The following SOST variants were observed in gnomAD, a reference collection of about 807,000 sequenced individuals.
The protein encoded by SOST is sclerostin.
SOST carries 14 observed loss-of-function variants against 16.7 expected under a neutral mutation model. The ratio of observed to expected loss-of-function variants is 0.84; its 90% CI spans 0.55 to 1.31. The LOEUF (loss-of-function observed/expected upper bound fraction) is 1.31, where lower values mean the gene tolerates loss of function less well. SOST is among the 50% of genes most tolerant of loss of function. SOST has a pLI of 0.00. For synonymous variants in SOST, 150 were observed against 140.9 expected, an observed-to-expected ratio of 1.06 and a Z score of -0.46; for missense variants, 291 against 310.7, an observed-to-expected ratio of 0.94 and a Z score of 0.48.
chr17:43,758,433 G>A, intron 1 of SOST, 89 bp downstream of exon 1: 1 of 1,053,112 alleles, frequency 9.5e-7, no homozygotes. Flanking sequence ...TCTTCACTGG[G>A]TCTACCCCAG....
At chr17:43,757,804 C>T (rs368859310) in intron 1 of SOST, among the ~76,000 whole-genome samples, 21 of 152,208 alleles carry the variant, frequency 1.4e-4, no homozygotes, top group Non-Finnish European at 2.1e-4. Flanking sequence ...AAAACTGTGC[C>T]GAAAACTCCC....
At chr17:43,757,423 C>G (rs1974143198) in intron 1 of SOST, among the ~76,000 whole-genome samples, 1 of 152,128 alleles carries the variant, frequency 6.6e-6, no homozygotes, top group East Asian at 1.9e-4. Flanking sequence ...ATGCAGTTGC[C>G]CTTTTTAGCA....
In SOST at chr17:43,753,898, T is replaced by C. The variant is rs1974097548; in HGVS notation, c.*1444A>G. 1 of 152,566 alleles carries C rather than the reference T, an allele frequency of 6.6e-6. No homozygotes were observed. Among genetic ancestry groups the C allele is most frequent in the African/African-American group, 2.4e-5 (1 of 41,386 alleles). The allele number at this position is 152,566 out of a possible 1,614,324, so 9.5% of individuals were successfully genotyped here. A position where few individuals can be genotyped will look rare whatever the true frequency, so the allele number is the denominator to read the frequency against. On this transcript the variant is annotated 3_prime_UTR_variant, in exon 2 of 2. Transcript: ENST00000301691. Reference sequence around the variant, plus strand: ...TGTAACTTAACTCTTTAAAAACCACTACTTTCATTCTTGTGGACAAGTCCC... The same window carrying C: ...TGTAACTTAACTCTTTAAAAACCACCACTTTCATTCTTGTGGACAAGTCCC...
rs1448517799 is a variant in SOST at position 43,755,422 on chromosome 17, G to A, written c.562C>T (p.Arg188Trp). 8 of 1,593,272 alleles carry A rather than the reference G, an allele frequency of 5.0e-6. No homozygotes were observed. Among genetic ancestry groups the A allele is most frequent in the Admixed American group, 3.3e-5 (2 of 59,750 alleles). Residue 188 changes from arginine (R) to tryptophan (W), a missense_variant, in exon 2 of 2, where the codon CGG (arginine) becomes TGG (tryptophan). By Grantham distance (101) the Arg-to-Trp change is moderately radical. Transcript: ENST00000301691. This position sits in a 1 kb window ranked among gnomAD's most constrained non-coding sequence, Gnocchi z 4.3. ...ELKDFGTEAA[R>W]PQKGRKPRPR... ...CGCGGCTTCCGGCCCTTCTGCGGCC[G>A]AGCGGCCTCGGTCCCGAAGTCCTTG... is the stretch of plus-strand genomic sequence containing the variant.
intron 1 of SOST, among the ~76,000 whole-genome samples, chr17:43,756,063 G>A (rs1425138839): frequency 6.6e-6 from 1 of 152,216 alleles, no homozygotes; most frequent in East Asian, 1.9e-4. Context: ...CTGCAAAATG[G>A]GCCGCCCCAA....
rs369554585 is a variant in SOST at position 43,755,477 on chromosome 17, G to A, written c.507C>T (p.Arg169=). 6.3e-7 allele frequency: 1 copy of A among 1,597,358 alleles called. No homozygotes were observed. The highest frequency in any genetic ancestry group is 1.1e-5 in the South Asian group (1 of 90,780). ...CCGACTGGTTGTGGAAGCGGGTGAG[G>A]CGCTTGCACTTGCACGAGGCCACCA... is the stretch of plus-strand genomic sequence containing the variant. ...VRLVASCKCK[R]LTRFHNQSEL... Residue 169 remains arginine (R), a synonymous_variant, in exon 2 of 2, where the codon CGC becomes CGT. Transcript: ENST00000301691. The surrounding 1 kb of genome is among the most constrained non-coding windows in gnomAD (Gnocchi z 4.3).
chr17:43,755,756 G>T lies in SOST; in HGVS notation c.228C>A (p.Ser76=). 6.3e-7 allele frequency: 1 copy of T among 1,580,100 alleles called. No homozygotes were observed. Among genetic ancestry groups the T allele is most frequent in the East Asian group, 2.3e-5 (1 of 43,646 alleles). ...AGTGCAGCTCGCGGCAGCTGTACTC[G>T]GACACGTCTGTGGAGAGAGGCGCGC... is the stretch of plus-strand genomic sequence containing the variant. ...PHHPFETKDV[S]EYSCRELHFT... Residue 76 remains serine (S), a synonymous_variant, in exon 2 of 2, where the codon TCC becomes TCA. Transcript: ENST00000301691. This position sits in a 1 kb window ranked among gnomAD's most constrained non-coding sequence, Gnocchi z 4.3.
chr17:43,754,616 G>A lies in SOST; in HGVS notation c.*726C>T, dbSNP rs879817419. 3 of 151,998 alleles carry A rather than the reference G, an allele frequency of 2.0e-5. No individual in the cohort carries two copies. Among genetic ancestry groups the A allele is most frequent in the African/African-American group, 7.3e-5 (3 of 41,372 alleles). The allele number at this position is 151,998 out of a possible 1,614,324, so 9.4% of individuals were successfully genotyped here. A position where few individuals can be genotyped will look rare whatever the true frequency, so the allele number is the denominator to read the frequency against. The stretch of plus-strand genomic sequence containing the variant: ...TTTTTCATCTTTGGCTGTCAGAAGA[G>A]AGCATCACAACTCTGAATTCTGGAA... On this transcript the variant is annotated 3_prime_UTR_variant, in exon 2 of 2. Coordinates refer to ENST00000301691, the MANE Select transcript of SOST (RefSeq NM_025237.3).
chr17:43,757,473 GGTCCA>G (rs1974143698), intron 1 of SOST, among the ~76,000 whole-genome samples: 1 of 152,116 alleles, frequency 6.6e-6, no homozygotes, highest in South Asian at 2.1e-4. Flanking sequence ...GGAGGGCTGG[GGTCCA>G]GGAGCCTGGG....
chr17:43,756,021 G>T (rs1567776935), intron 1 of SOST, among the ~76,000 whole-genome samples: 1 of 152,220 alleles, frequency 6.6e-6, no homozygotes, highest in East Asian at 1.9e-4. Context: ...TGTCATCTTG[G>T]GCAAGTTCCT....
intron 1 of SOST, among the ~76,000 whole-genome samples, chr17:43,757,922 C>T (rs553352399): frequency 2.0e-5 from 3 of 152,092 alleles, no homozygotes; most frequent in Non-Finnish European, 4.4e-5. Context: ...CCCCCACACC[C>T]CCCCACACAC....
intron 1 of SOST, among the ~76,000 whole-genome samples, chr17:43,756,880 G>A (rs1974136383): frequency 6.6e-6 from 1 of 152,200 alleles, no homozygotes; most frequent in Non-Finnish European, 1.5e-5. Flanking sequence ...TTTTTAAATA[G>A]CTGGTCGTCG....
rs926865339 is a variant in SOST at position 43,755,006 on chromosome 17, T to C, written c.*336A>G. ...CTGGACTTTCCCACTCCCACACCGCTCCCTTAAAACCCCAGGGCGGTGAAA... is the reference window on the plus strand; with the variant it reads ...CTGGACTTTCCCACTCCCACACCGCCCCCTTAAAACCCCAGGGCGGTGAAA... On this transcript the variant is annotated 3_prime_UTR_variant, in exon 2 of 2. Transcript: ENST00000301691. The surrounding 1 kb of genome is among the most constrained non-coding windows in gnomAD (Gnocchi z 4.3). 25 of 305,612 alleles carry C rather than the reference T, an allele frequency of 8.2e-5. No individual in the cohort carries two copies. Among genetic ancestry groups the C allele is most frequent in the Admixed American group, 1.5e-4 (3 of 19,388 alleles). 18.9% of individuals were successfully genotyped at this position (305,612 alleles called of 1,614,324 possible). A position where few individuals can be genotyped will look rare whatever the true frequency, so the allele number is the denominator to read the frequency against.
chr17:43,757,962 G>A (rs1434610842), intron 1 of SOST, among the ~76,000 whole-genome samples: 1 of 152,158 alleles, frequency 6.6e-6, no homozygotes, highest in Non-Finnish European at 1.5e-5. Context: ...GATCAAACCA[G>A]GTTCACACCT....
In SOST at chr17:43,755,479, G is replaced by C. The variant is rs1245595709; in HGVS notation, c.505C>G (p.Arg169Gly). ...VRLVASCKCK[R>G]LTRFHNQSEL... is the part of the protein sequence containing the mutation. Reference sequence around the variant, plus strand: ...GACTGGTTGTGGAAGCGGGTGAGGCGCTTGCACTTGCACGAGGCCACCAGG... The same window carrying C: ...GACTGGTTGTGGAAGCGGGTGAGGCCCTTGCACTTGCACGAGGCCACCAGG... The change falls in exon 2 of 2, where the codon CGC becomes GGC. Residue 169 changes from arginine (R) to glycine (G), a missense_variant. Physicochemically the swap from Arg to Gly is moderately radical, Grantham distance 125 (BLOSUM62 -2). Transcript: ENST00000301691. This position sits in a 1 kb window ranked among gnomAD's most constrained non-coding sequence, Gnocchi z 4.3. 2 of 1,597,312 alleles carry C rather than the reference G, an allele frequency of 1.3e-6. No homozygotes were observed. Among genetic ancestry groups the C allele is most frequent in the African/African-American group, 1.3e-5 (1 of 74,134 alleles).
At position 43,758,587 on chromosome 17, in the gene SOST, T is replaced by G; in HGVS notation, c.155A>C (p.Asn52Thr). 1 of 1,614,186 alleles carries G rather than the reference T, an allele frequency of 6.2e-7. No individual in the cohort carries two copies. Among genetic ancestry groups the G allele is most frequent in the South Asian group, 1.1e-5 (1 of 91,088 alleles). The change falls in exon 1 of 2, where the codon AAC becomes ACC. Residue 52 changes from asparagine (N) to threonine (T), a missense_variant. Coordinates refer to ENST00000301691, the MANE Select transcript of SOST (RefSeq NM_025237.3). ...EYPEPPPELE[N>T]NKTMNRAENG... ...CTCCGCCCGGTTCATGGTCTTGTTGTTCTCCAGCTCCGGTGGAGGCTCGGG... is the reference window on the plus strand; with the variant it reads ...CTCCGCCCGGTTCATGGTCTTGTTGGTCTCCAGCTCCGGTGGAGGCTCGGG...
At chr17:43,757,698 T>G (rs571751431) in intron 1 of SOST, among the ~76,000 whole-genome samples, 1 of 152,260 alleles carries the variant, frequency 6.6e-6, no homozygotes, top group South Asian at 2.1e-4. Context: ...AGGTTGGGAC[T>G]GGGGTGGCTG....
In SOST at chr17:43,755,835, C is replaced by T; in HGVS notation, c.221-72G>A. On this transcript the variant is annotated intron_variant, in intron 1 of 1. Transcript: ENST00000301691. This position sits in a 1 kb window ranked among gnomAD's most constrained non-coding sequence, Gnocchi z 4.3. ...CTGCCCTGGACCGGCCCGTCTCTCT[C>T]CACCCCAGCCCTGCTTTTGCCAAGC... The T allele has an allele frequency of 4.0e-6, 6 of 1,488,188 alleles. No individual in the cohort carries two copies. The highest frequency in any genetic ancestry group is 1.2e-5 in the South Asian group (1 of 80,570). The allele number at this position is 1,488,188 out of a possible 1,614,324, so 92.2% of individuals were successfully genotyped here.
At position 43,758,049 on chromosome 17, in the gene SOST, G is replaced by A. The variant is rs1974149893; in HGVS notation, c.220+473C>T. Among the ~76,000 whole-genome samples, 3 of 152,138 alleles carry A rather than the reference G, an allele frequency of 2.0e-5. No individual in the cohort carries two copies. The South Asian group carries it at 6.2e-4, about 32-fold the overall frequency. ...TTCGAGCTGGGGGTTCACCTCCTGGGGATTCCATGATGTGGGTCTGTGTGG... is the reference window on the plus strand; with the variant it reads ...TTCGAGCTGGGGGTTCACCTCCTGGAGATTCCATGATGTGGGTCTGTGTGG... On this transcript the variant is annotated intron_variant, in intron 1 of 1. Coordinates refer to ENST00000301691, the MANE Select transcript of SOST (RefSeq NM_025237.3).
Sources: allele counts gnomAD v4.1 joint callset (sites outside exome capture counted in the v4.1 genomes callset), GRCh38; gene constraint gnomAD v4.1.1; non-coding constraint Gnocchi (gnomAD v3.1); transcripts MANE v1.5; gene names NCBI Gene and HGNC (gene_info 2026-07-23, HGNC 2026-07-21).